The following ARHGEF10 variants were observed in gnomAD, a reference collection of about 807,000 sequenced individuals.
ARHGEF10 encodes Rho guanine nucleotide exchange factor (GEF) 10.
ARHGEF10 carries 140 observed loss-of-function variants against 147.4 expected under a neutral mutation model. The ratio of observed to expected loss-of-function variants is 0.95; its 90% CI spans 0.83 to 1.09. ARHGEF10 has a LOEUF of 1.09. Ranked by LOEUF, ARHGEF10 falls within the 50% of genes least tolerant of loss-of-function variation. The pLI is 0.00. For synonymous variants in ARHGEF10, 902 were observed against 695.8 expected, an observed-to-expected ratio of 1.30 and a Z score of -4.67; for missense variants, 2,222 against 1,752.7, an observed-to-expected ratio of 1.27 and a Z score of -4.78.
intron 2 of ARHGEF10, among the ~76,000 whole-genome samples, chr8:1,850,078 A>G: frequency 3.2e-5 from 4 of 124,260 alleles, no homozygotes; most frequent in African/African-American, 9.8e-5. Flanking sequence ...GCGTGGACAC[A>G]GAGGGCAAAT....
intron 16 of ARHGEF10, 138 bp from the exon 17 acceptor site, chr8:1,905,433 C>A: frequency 9.2e-7 from 1 of 1,088,428 alleles, no homozygotes; most frequent in Non-Finnish European, 1.4e-6. Flanking sequence ...AGCGCAGTCA[C>A]GGGGAACATA....
chr8:1,897,182 T>A (rs916053431), intron 14 of ARHGEF10, among the ~76,000 whole-genome samples: 2 of 152,234 alleles, frequency 1.3e-5, no homozygotes, highest in Non-Finnish European at 2.9e-5. Context: ...TGGAAACTGC[T>A]GCTACCTGGA....
intron 1 of ARHGEF10, among the ~76,000 whole-genome samples, chr8:1,840,457 G>T (rs28722834): frequency 0.39 from 39,150 of 99,574 alleles, 9,061 homozygotes; most frequent in African/African-American, 0.48. Flanking sequence ...CGGTGTGGAA[G>T]CTGTCCGGTG....
chr8:1,894,182 A>AG (rs1242062055), intron 12 of ARHGEF10, among the ~76,000 whole-genome samples: 6 of 151,438 alleles, frequency 4.0e-5, no homozygotes, highest in Non-Finnish European at 7.4e-5. Flanking sequence ...AAAAAAAAAA[A>AG]AAAGAAAAAT....
intron 18 of ARHGEF10, among the ~76,000 whole-genome samples, chr8:1,918,908 G>A (rs182541596): frequency 6.6e-6 from 1 of 151,416 alleles, no homozygotes; most frequent in Non-Finnish European, 1.5e-5. Context: ...GTAAAGTGAC[G>A]GAGGTGTTCT....
chr8:1,832,782 ACAGAGAGAGACAGAGG>A (rs1803256901), intron 1 of ARHGEF10, among the ~76,000 whole-genome samples: 1 of 113,748 alleles, frequency 8.8e-6, no homozygotes, highest in African/African-American at 3.4e-5. Flanking sequence ...AGAGGCAGAG[ACAGAGAGAGACAGAGG>A]CAGAGGCAGA....
In ARHGEF10 at chr8:1,896,080, A is replaced by T. The variant is rs1809946844; in HGVS notation, c.1441-253A>T. Among the ~76,000 whole-genome samples, 3 of 152,210 alleles carry T rather than the reference A, an allele frequency of 2.0e-5. No homozygotes were observed. In the South Asian group the frequency reaches 6.2e-4, roughly 31 times the overall value. On this transcript the variant is annotated intron_variant, in intron 13 of 28. Transcript: ENST00000349830. ...TCATGAACATTCTTAACTGAAACCC[A>T]AATTACCATGGTTTTGAACAAGGAT...
At position 1,929,322 on chromosome 8, in the gene ARHGEF10, A is replaced by G. The variant is rs372385900; in HGVS notation, c.2958A>G (p.Lys986=). 6.2e-7 allele frequency: 1 copy of G among 1,614,152 alleles called. No homozygotes were observed. The highest frequency in any genetic ancestry group is 1.7e-5 in the Admixed American group (1 of 60,034). The part of the protein sequence containing the change: ...SIYKSSQGSK[K]VRLQHFFTPE... ...ATAAAAGCAGTCAAGGCTCCAAGAA[A>G]GTGAGACTTCAGCACTTTTTCACTC... is the stretch of plus-strand genomic sequence containing the variant. The change falls in exon 25 of 29, where the codon AAA becomes AAG. Residue 986 remains lysine, a synonymous_variant. Coordinates refer to ENST00000349830, the MANE Select transcript of ARHGEF10 (RefSeq NM_014629.4).
intron 7 of ARHGEF10, among the ~76,000 whole-genome samples, chr8:1,871,548 G>A (rs1188068369): frequency 4.6e-5 from 7 of 152,102 alleles, no homozygotes; most frequent in Non-Finnish European, 7.4e-5. Context: ...GAATGGGCGC[G>A]GTGGCTCACA....
intron 23 of ARHGEF10, 78 bp downstream of exon 23, chr8:1,926,541 T>G: frequency 2.2e-6 from 3 of 1,336,554 alleles, no homozygotes; most frequent in East Asian, 4.6e-5. Context: ...GAGACTGAGA[T>G]GTGAATTGCT....
At chr8:1,874,672 G>A (rs1359204548) in intron 7 of ARHGEF10, among the ~76,000 whole-genome samples, 1 of 151,640 alleles carries the variant, frequency 6.6e-6, no homozygotes, top group Non-Finnish European at 1.5e-5. Context: ...GTGTGTAGGG[G>A]GTAGAGGTTC....
chr8:1,906,103 T>TA (rs1810870568), intron 17 of ARHGEF10, among the ~76,000 whole-genome samples: 1 of 152,254 alleles, frequency 6.6e-6, no homozygotes, highest in Non-Finnish European at 1.5e-5. Context: ...AAGTTGGGTA[T>TA]ATTCATATTT....
chr8:1,889,937 T>C (rs1809308939), intron 11 of ARHGEF10, among the ~76,000 whole-genome samples: 1 of 127,856 alleles, frequency 7.8e-6, no homozygotes, highest in Non-Finnish European at 1.6e-5. Context: ...GGGGCGAGGG[T>C]TGTGAGGAGA....
intron 26 of ARHGEF10, among the ~76,000 whole-genome samples, chr8:1,938,709 G>A (rs1182722218): frequency 2.0e-5 from 3 of 152,200 alleles, no homozygotes; most frequent in Non-Finnish European, 4.4e-5. Flanking sequence ...GCTGAGGCAG[G>A]AGGACTGCTT....
rs967192594 is a variant in ARHGEF10 at position 1,824,438 on chromosome 8, T to TG, written c.-48+331dup. ...GCCCGAGGGGCGAGCTGGCTTCGCCTGGGGGGTCGTGCAGTAACTTAGATT... is the reference window on the plus strand; with the variant it reads ...GCCCGAGGGGCGAGCTGGCTTCGCCTGGGGGGGTCGTGCAGTAACTTAGATT... On this transcript the variant is annotated intron_variant, in intron 1 of 28. Transcript: ENST00000349830. Among the ~76,000 whole-genome samples the TG allele has an allele frequency of 1.3e-4, 20 of 152,024 alleles. 1 individual carries two copies. The highest frequency in any genetic ancestry group is 8.5e-4 in the Admixed American group (13 of 15,290).
chr8:1,947,241 G>C lies in ARHGEF10; in HGVS notation c.3397+1586G>C, dbSNP rs1364925912. On this transcript the variant is annotated intron_variant, in intron 27 of 28. Transcript: ENST00000349830. ...AGGGGAGGTGAGGAGGGTGTTATGA[G>C]AAAAACCTCTCCACTCGACCTCCCG... Among the ~76,000 whole-genome samples, 4 of 152,178 alleles carry C rather than the reference G, an allele frequency of 2.6e-5. No individual in the cohort carries two copies. The East Asian group carries it at 7.7e-4, about 29-fold the overall frequency.
chr8:1,905,502 C>G, intron 16 of ARHGEF10, 69 bp from the exon 17 acceptor site: 154 of 1,550,902 alleles, frequency 9.9e-5, no homozygotes, highest in Non-Finnish European at 1.2e-4. Flanking sequence ...CCATACCAGA[C>G]TTCTCCTCAT....
intron 23 of ARHGEF10, 55 bp from the exon 24 acceptor site, chr8:1,928,372 T>C: frequency 6.4e-7 from 1 of 1,556,792 alleles, no homozygotes. Flanking sequence ...TTCCAGCGTA[T>C]TATGGAAGCC....
rs1347907126 is a variant in ARHGEF10 at position 1,928,647 on chromosome 8, G to A, written c.2918G>A (p.Gly973Glu). ...ACGATCTGTGTAGGGACGGAGGAGG[G>A]AAGGTAGGGCATGCTCACTGCGTTA... ...VPTICVGTEEGSISIYKSSQG... is the reference protein window; with the variant it reads ...VPTICVGTEEESISIYKSSQG... The change falls in exon 24 of 29, where the codon GGA becomes GAA. Residue 973 changes from glycine (G) to glutamate (E), a missense_variant. Gly to Glu is a moderately conservative substitution (Grantham distance 98). Transcript: ENST00000349830. The A allele has an allele frequency of 1.2e-6, 2 of 1,614,140 alleles. No homozygotes were observed. The highest frequency in any genetic ancestry group is 2.2e-5 in the South Asian group (2 of 91,086).
Sources: gnomAD v4.1 joint callset for allele counts (sites outside exome capture counted in the v4.1 genomes callset) on GRCh38, gnomAD v4.1.1 for gene constraint, MANE v1.5 for transcripts, NCBI Gene and HGNC (gene_info 2026-07-23, HGNC 2026-07-21) for gene names.